Variants in ANKRD55 observed in about 807,000 individuals in gnomAD.
ANKRD55 encodes the protein ankyrin repeat domain 55, also known as ankyrin repeat domain-containing protein 55.
A neutral mutation model predicts 60.6 loss-of-function variants in ANKRD55; 41 were observed. The observed-to-expected ratio is 0.68, with a 90% confidence interval of 0.53 to 0.88. The LOEUF is 0.88. Among genes scored for constraint, ANKRD55 ranks in the 40% least tolerant of loss-of-function variants. The pLI, the probability that ANKRD55 is intolerant of heterozygous loss-of-function variation, is 0.00. For synonymous variants in ANKRD55, 264 were observed against 290.3 expected (o/e 0.91, Z 0.92); for missense variants, 732 against 767.6 (o/e 0.95, Z 0.55).
chr5:56,123,326 G>A, intron 8 of ANKRD55, among the ~76,000 whole-genome samples: 1 of 152,104 alleles, frequency 6.6e-6, no homozygotes, highest in Non-Finnish European at 1.5e-5. Flanking sequence ...GAGCATATAT[G>A]TATGTATATT....
chr5:56,102,442 C>G (rs318818), intron 11 of ANKRD55, 52 bp downstream of exon 11: 1 of 1,249,330 alleles, frequency 8.0e-7, no homozygotes, highest in East Asian at 2.4e-5. Context: ...TTAGTTGTGT[C>G]TAGATATGTT....
At chr5:56,169,797 C>A (rs1366451574) in intron 5 of ANKRD55, among the ~76,000 whole-genome samples, 1 of 152,118 alleles carries the variant, frequency 6.6e-6, no homozygotes, top group Non-Finnish European at 1.5e-5. Context: ...GTGCTGCTGG[C>A]CTATGACCTA....
chr5:56,167,038 A>G (rs1198547256), intron 5 of ANKRD55, among the ~76,000 whole-genome samples: 1 of 152,266 alleles, frequency 6.6e-6, no homozygotes, highest in East Asian at 1.9e-4. Context: ...TTCTCAAACA[A>G]CTATAAAATA....
chr5:56,114,062 C>G (rs1281838445), intron 9 of ANKRD55: 3 of 150,578 alleles, frequency 2.0e-5, no homozygotes, highest in Non-Finnish European at 4.4e-5. Flanking sequence ...GGCGTGGTGG[C>G]TCACGCCTGT....
chr5:56,116,075 G>A (rs914760347), intron 9 of ANKRD55, among the ~76,000 whole-genome samples: 7 of 151,860 alleles, frequency 4.6e-5, no homozygotes, highest in South Asian at 2.1e-4. Context: ...GGCTGGTCTC[G>A]AACTCCTGAC....
In ANKRD55 at chr5:56,102,571, T is replaced by G. The variant is rs775795041; in HGVS notation, c.1646A>C (p.His549Pro). The G allele has an allele frequency of 3.7e-6, 6 of 1,613,404 alleles. No homozygotes were observed. The highest frequency in any genetic ancestry group is 5.1e-6 in the Non-Finnish European group (6 of 1,179,534). Residue 549 changes from histidine (H) to proline (P), a missense_variant, in exon 11 of 12, where the codon CAT becomes CCT. Physicochemically the swap from His to Pro is moderately conservative, Grantham distance 77. Around this residue, in one of 3 missense-constraint regions of ANKRD55, gnomAD observed 597 missense variants for 607.5 expected, o/e 0.98. Coordinates refer to ENST00000341048, the MANE Select transcript of ANKRD55 (RefSeq NM_024669.3). ...GATTTTGTGTCTGTTTGGGGAAAGA[T>G]GCTGAAAATTTTGTCCTGAAGATAA... ...HNPSSGQNFQ[H>P]LSPNRHKIRD...
At chr5:56,109,324 T>C (rs1756597777) in intron 10 of ANKRD55, among the ~76,000 whole-genome samples, 1 of 152,172 alleles carries the variant, frequency 6.6e-6, no homozygotes, top group Admixed American at 6.5e-5. Context: ...TCCAGCCAAT[T>C]ATTGCCATTT....
At chr5:56,170,231 T>C (rs942630522) in intron 5 of ANKRD55, among the ~76,000 whole-genome samples, 2 of 152,212 alleles carry the variant, frequency 1.3e-5, no homozygotes, top group Admixed American at 6.5e-5. Flanking sequence ...ATTTTCTTCA[T>C]AGCCCTCATC....
chr5:56,190,465 T>G (rs1185516573), intron 2 of ANKRD55, among the ~76,000 whole-genome samples: 1 of 152,218 alleles, frequency 6.6e-6, no homozygotes, highest in Non-Finnish European at 1.5e-5. Flanking sequence ...AGGTCTTATG[T>G]TTGGGTCTTT....
At chr5:56,138,625 C>T (rs1757673968) in intron 7 of ANKRD55, among the ~76,000 whole-genome samples, 1 of 152,136 alleles carries the variant, frequency 6.6e-6, no homozygotes, top group Admixed American at 6.6e-5. Context: ...ATAAGTAAAC[C>T]TTGGTATATT....
At chr5:56,230,384 G>A (rs994099173) in intron 2 of ANKRD55, among the ~76,000 whole-genome samples, 4 of 152,110 alleles carry the variant, frequency 2.6e-5, no homozygotes, top group African/African-American at 4.8e-5. Context: ...TGAGCCTTGC[G>A]CCCGGCCCAG....
chr5:56,103,021 C>T (rs1412135812), intron 10 of ANKRD55, among the ~76,000 whole-genome samples: 1 of 152,190 alleles, frequency 6.6e-6, no homozygotes, highest in East Asian at 1.9e-4. Context: ...AGCTAGAAAA[C>T]ATACTGCTTT....
At chr5:56,215,994 T>C (rs938433502) in intron 2 of ANKRD55, among the ~76,000 whole-genome samples, 1 of 137,992 alleles carries the variant, frequency 7.2e-6, no homozygotes, top group African/African-American at 3.1e-5. Context: ...AGGCTGGGGT[T>C]AAGAGATGCT....
intron 2 of ANKRD55, among the ~76,000 whole-genome samples, chr5:56,227,467 C>T (rs1004543990): frequency 6.6e-6 from 1 of 151,994 alleles, no homozygotes; most frequent in Admixed American, 6.6e-5. Context: ...TGCATATGTA[C>T]CCTAGAACTT....
At chr5:56,208,614 G>A (rs569692966) in intron 2 of ANKRD55, among the ~76,000 whole-genome samples, 1 of 152,186 alleles carries the variant, frequency 6.6e-6, no homozygotes, top group Admixed American at 6.5e-5. Context: ...TAGAAGGCAT[G>A]GGTTTTGCCA....
At chr5:56,106,893 T>C (rs1248595728) in intron 10 of ANKRD55, among the ~76,000 whole-genome samples, 3 of 151,968 alleles carry the variant, frequency 2.0e-5, no homozygotes, top group Non-Finnish European at 4.4e-5. Flanking sequence ...GTGTCTGTAG[T>C]TCCAGTTACA....
At chr5:56,176,340 A>G in intron 3 of ANKRD55, 58 bp from the exon 4 acceptor site, 2 of 1,605,462 alleles carry the variant, frequency 1.2e-6, no homozygotes, top group East Asian at 4.5e-5. Flanking sequence ...ACTGATGAGC[A>G]GGCTTTATTG....
At chr5:56,184,123 C>T (rs757817847) in intron 2 of ANKRD55, among the ~76,000 whole-genome samples, 3 of 152,164 alleles carry the variant, frequency 2.0e-5, no homozygotes, top group South Asian at 2.1e-4. Flanking sequence ...TGACCCTTGC[C>T]GAGTGCTCCA....
intron 3 of ANKRD55, among the ~76,000 whole-genome samples, chr5:56,180,238 G>T (rs1758824628): frequency 6.6e-6 from 1 of 152,074 alleles, no homozygotes. Context: ...TCTCCCAAAG[G>T]TTCCACCTCT....
Sources: allele counts gnomAD v4.1 joint callset (sites outside exome capture counted in the v4.1 genomes callset), GRCh38; gene constraint gnomAD v4.1.1; regional missense constraint gnomAD v4.1.1; transcripts MANE v1.5; gene names NCBI Gene and HGNC (gene_info 2026-07-23, HGNC 2026-07-21).